The following TADA2A variants were observed in gnomAD, a reference collection of about 807,000 sequenced individuals.
The protein encoded by TADA2A is transcriptional adapter 2-alpha.
Under a neutral mutation model 67.4 loss-of-function variants are expected in TADA2A, and 38 were observed. That is an observed-to-expected ratio of 0.56 (90% CI 0.44 to 0.74). TADA2A has a LOEUF of 0.74. Ranked by LOEUF, TADA2A falls within the 30% of genes least tolerant of loss-of-function variation. The probability of loss-of-function intolerance (pLI) is 0.00; values close to 1 mark genes in which losing one functional copy is unlikely to be tolerated. For missense variants in TADA2A, 454 were observed against 547.0 expected, an observed-to-expected ratio of 0.83 and a Z score of 1.70; for synonymous variants, 192 against 181.6, an observed-to-expected ratio of 1.06 and a Z score of -0.46.
chr17:37,412,751 C>G lies in TADA2A; in HGVS notation c.25+1361C>G, dbSNP rs529808991. ...TAAACCAAGATCATGCCACTGCACT[C>G]CAGCCTGGGTGACAAGAGCAAGAAT... On this transcript the variant is annotated intron_variant, in intron 2 of 15. Coordinates refer to ENST00000615182, the MANE Select transcript of TADA2A (RefSeq NM_001166105.3). Among the ~76,000 whole-genome samples the G allele has an allele frequency of 9.8e-4, 147 of 149,310 alleles. 1 individual carries two copies. The highest frequency in any genetic ancestry group is 4.1e-3 in the Admixed American group (61 of 14,840).
chr17:37,438,858 G>A (rs10048186), intron 5 of TADA2A, among the ~76,000 whole-genome samples: 180 of 152,246 alleles, frequency 1.2e-3, no homozygotes, highest in African/African-American at 4.2e-3. Flanking sequence ...ACATAAAAAA[G>A]ACATAGCTTC....
intron 1 of TADA2A, 174 bp downstream of exon 1, chr17:37,407,123 G>C (rs1277024809): frequency 6.7e-6 from 1 of 148,294 alleles, no homozygotes; most frequent in Non-Finnish European, 1.5e-5. Context: ...GGCGGGCAGC[G>C]GCGGGCCTCG....
intron 14 of TADA2A, among the ~76,000 whole-genome samples, chr17:37,472,702 A>T (rs1368792155): frequency 6.6e-6 from 1 of 151,952 alleles, no homozygotes; most frequent in African/African-American, 2.4e-5. Context: ...CCTGAAAAAA[A>T]AATATAAAAA....
At chr17:37,424,990 C>T (rs1020236327) in intron 3 of TADA2A, among the ~76,000 whole-genome samples, 7 of 152,140 alleles carry the variant, frequency 4.6e-5, no homozygotes. Context: ...AGGGATTCTC[C>T]TGCTTCAACC....
chr17:37,452,822 C>A lies in TADA2A; in HGVS notation c.605-5702C>A, dbSNP rs577506804. Reference sequence around the variant, plus strand: ...AAAACTATTGCCTTAAATCTTGGACCTGACAGTATTGAATTATTTTTAGTT... The same window carrying A: ...AAAACTATTGCCTTAAATCTTGGACATGACAGTATTGAATTATTTTTAGTT... On this transcript the variant is annotated intron_variant, in intron 8 of 15. Coordinates refer to ENST00000615182, the MANE Select transcript of TADA2A (RefSeq NM_001166105.3). 5.9e-5 allele frequency among the ~76,000 whole-genome samples: 9 copies of A among 151,794 alleles called. No individual in the cohort carries two copies. The East Asian group carries it at 1.7e-3, about 29-fold the overall frequency.
chr17:37,409,439 C>T (rs974969536), intron 1 of TADA2A, among the ~76,000 whole-genome samples: 1 of 152,162 alleles, frequency 6.6e-6, no homozygotes, highest in Non-Finnish European at 1.5e-5. Context: ...AGAAGTAATA[C>T]TCACAAAGTA....
intron 3 of TADA2A, 121 bp downstream of exon 3, chr17:37,423,736 A>ATTTTTC (rs2052316525): frequency 1.8e-5 from 13 of 709,704 alleles, no homozygotes; most frequent in Non-Finnish European, 1.3e-5. Flanking sequence ...ATTCCTTCCA[A>ATTTTTC]TTTTTCTTTT....
chr17:37,458,253 G>T (rs866349702), intron 8 of TADA2A, among the ~76,000 whole-genome samples: 1 of 152,170 alleles, frequency 6.6e-6, no homozygotes, highest in African/African-American at 2.4e-5. Flanking sequence ...CAAAGGACAT[G>T]ATCTTATTCA....
At chr17:37,416,050 C>T (rs941083405) in intron 2 of TADA2A, among the ~76,000 whole-genome samples, 1 of 151,486 alleles carries the variant, frequency 6.6e-6, no homozygotes, top group African/African-American at 2.4e-5. Context: ...CATTTTATGT[C>T]TCTTTTTTTT....
chr17:37,461,035 C>T (rs1406975014), intron 9 of TADA2A, among the ~76,000 whole-genome samples: 1 of 152,042 alleles, frequency 6.6e-6, no homozygotes, highest in Non-Finnish European at 1.5e-5. Flanking sequence ...TGATCTAAAG[C>T]AGCAGTCCTC....
chr17:37,442,500 T>G (rs1469127472), intron 6 of TADA2A, 64 bp from the exon 7 acceptor site: 1 of 1,233,392 alleles, frequency 8.1e-7, no homozygotes, highest in Non-Finnish European at 1.2e-6. Flanking sequence ...TCTTGGACTA[T>G]TATGTCATTT....
intron 2 of TADA2A, among the ~76,000 whole-genome samples, chr17:37,415,192 T>A (rs1310086208): frequency 6.6e-6 from 1 of 152,194 alleles, no homozygotes; most frequent in Non-Finnish European, 1.5e-5. Context: ...TCTAATTTCT[T>A]ATAGGAAAGA....
chr17:37,446,585 G>A (rs577485013), intron 8 of TADA2A, among the ~76,000 whole-genome samples: 237 of 146,726 alleles, frequency 1.6e-3, no homozygotes, highest in African/African-American at 5.9e-3. Context: ...GCAACACAGT[G>A]AGACCCTGTC....
At chr17:37,471,332 T>G (rs1313143050) in intron 14 of TADA2A, among the ~76,000 whole-genome samples, 195 bp downstream of exon 14, 1 of 151,858 alleles carries the variant, frequency 6.6e-6, no homozygotes, top group Non-Finnish European at 1.5e-5. Flanking sequence ...ATCCTCAGAG[T>G]GACAGTATAG....
At chr17:37,441,701 G>A (rs2052922696) in intron 6 of TADA2A, among the ~76,000 whole-genome samples, 2 of 141,892 alleles carry the variant, frequency 1.4e-5, no homozygotes, top group East Asian at 2.0e-4. Flanking sequence ...GAGTCTCGCT[G>A]TGTCTCCCAG....
chr17:37,467,064 G>C (rs1460394465), intron 11 of TADA2A, among the ~76,000 whole-genome samples: 1 of 152,128 alleles, frequency 6.6e-6, no homozygotes, highest in Non-Finnish European at 1.5e-5. Flanking sequence ...CGCTGAGGCA[G>C]GGGGAATTGC....
At chr17:37,445,346 A>G (rs1386095910) in intron 8 of TADA2A, among the ~76,000 whole-genome samples, 3 of 152,110 alleles carry the variant, frequency 2.0e-5, no homozygotes, top group Non-Finnish European at 4.4e-5. Context: ...GCTCACTGCA[A>G]CCTCTGTCTC....
chr17:37,409,789 C>T (rs559835193), intron 1 of TADA2A, among the ~76,000 whole-genome samples: 1 of 91,802 alleles, frequency 1.1e-5, no homozygotes, highest in African/African-American at 3.3e-5. Flanking sequence ...AAAACAAAAA[C>T]AAAAAGCTGT....
At chr17:37,411,807 G>A (rs995726085) in intron 2 of TADA2A, among the ~76,000 whole-genome samples, 2 of 151,980 alleles carry the variant, frequency 1.3e-5, no homozygotes, top group Non-Finnish European at 2.9e-5. Flanking sequence ...AGGCAATAAA[G>A]CCCTTTGACT....
Sources: allele counts gnomAD v4.1 joint callset (sites outside exome capture counted in the v4.1 genomes callset), GRCh38; gene constraint gnomAD v4.1.1; transcripts MANE v1.5; gene names NCBI Gene and HGNC (gene_info 2026-07-23, HGNC 2026-07-21).